Variants in GTF2F2 observed in about 807,000 individuals in gnomAD.
The protein encoded by GTF2F2 is ATP-dependent helicase GTF2F2.
Under a neutral mutation model 42.2 loss-of-function variants are expected in GTF2F2, and 23 were observed. That is an observed-to-expected ratio of 0.55 (90% CI 0.39 to 0.77). The LOEUF is 0.77. Ranked by LOEUF, GTF2F2 falls within the 30% of genes least tolerant of loss-of-function variation. GTF2F2 has a pLI of 0.00. For missense variants in GTF2F2, 261 were observed against 287.2 expected, an observed-to-expected ratio of 0.91 and a Z score of 0.66; for synonymous variants, 105 against 100.8, an observed-to-expected ratio of 1.04 and a Z score of -0.25.
intron 5 of GTF2F2, among the ~76,000 whole-genome samples, chr13:45,230,490 C>T (rs965532379): frequency 6.6e-5 from 10 of 152,108 alleles, no homozygotes; most frequent in African/African-American, 2.4e-4. Context: ...CATGGCTTTT[C>T]GTCTCAAGGT....
At chr13:45,183,216 T>C (rs1872246711) in intron 4 of GTF2F2, among the ~76,000 whole-genome samples, 1 of 152,108 alleles carries the variant, frequency 6.6e-6, no homozygotes, top group African/African-American at 2.4e-5. Flanking sequence ...ATCTATAAAA[T>C]AATAGTGTTA....
intron 4 of GTF2F2, among the ~76,000 whole-genome samples, chr13:45,153,659 G>A (rs1251570213): frequency 6.6e-6 from 1 of 152,064 alleles, no homozygotes; most frequent in Non-Finnish European, 1.5e-5. Context: ...GAAATTAGAA[G>A]CACATTTGAA....
intron 4 of GTF2F2, among the ~76,000 whole-genome samples, chr13:45,199,212 G>A (rs953874347): frequency 6.6e-6 from 1 of 152,186 alleles, no homozygotes; most frequent in African/African-American, 2.4e-5. Context: ...GTGTTGAACT[G>A]CGTCTTCAAG....
intron 7 of GTF2F2, among the ~76,000 whole-genome samples, chr13:45,281,233 C>G (rs1195751104): frequency 1.3e-5 from 2 of 152,090 alleles, no homozygotes; most frequent in Non-Finnish European, 2.9e-5. Context: ...TCATTTGGTT[C>G]ATTGCTGCCA....
intron 6 of GTF2F2, among the ~76,000 whole-genome samples, chr13:45,262,774 C>A (rs889375113): frequency 2.6e-5 from 4 of 152,008 alleles, no homozygotes; most frequent in African/African-American, 9.7e-5. Context: ...CAGAATCTCA[C>A]TCTGTTGCCT....
At chr13:45,152,650 T>A (rs1206667195) in intron 4 of GTF2F2, among the ~76,000 whole-genome samples, 2 of 152,252 alleles carry the variant, frequency 1.3e-5, no homozygotes, top group Non-Finnish European at 2.9e-5. Context: ...AAGAAGTTTC[T>A]GCGTAGAGTT....
At chr13:45,241,353 C>G (rs1042927396) in intron 5 of GTF2F2, among the ~76,000 whole-genome samples, 2 of 152,082 alleles carry the variant, frequency 1.3e-5, no homozygotes, top group Admixed American at 1.3e-4. Flanking sequence ...CCCAGCTTCT[C>G]TCTCTTATGT....
At chr13:45,152,407 G>C (rs916534275) in intron 4 of GTF2F2, among the ~76,000 whole-genome samples, 4 of 152,156 alleles carry the variant, frequency 2.6e-5, no homozygotes, top group African/African-American at 9.7e-5. Flanking sequence ...GGAAGAATGT[G>C]GTTCATCAAG....
intron 4 of GTF2F2, among the ~76,000 whole-genome samples, chr13:45,162,192 T>C (rs1871071872): frequency 6.6e-6 from 1 of 152,214 alleles, no homozygotes. Context: ...GAAATCCTGC[T>C]AGGTCTGCCT....
chr13:45,260,823 A>G (rs1464779832), intron 6 of GTF2F2, among the ~76,000 whole-genome samples: 2 of 152,010 alleles, frequency 1.3e-5, no homozygotes, highest in East Asian at 3.9e-4. Context: ...ACCAGCCTTG[A>G]GTTTGAGACC....
intron 4 of GTF2F2, among the ~76,000 whole-genome samples, chr13:45,172,536 T>C (rs1038682165): frequency 2.0e-5 from 3 of 152,172 alleles, no homozygotes; most frequent in Non-Finnish European, 4.4e-5. Context: ...GTACAGAACT[T>C]TTAATTTTGA....
intron 1 of GTF2F2, among the ~76,000 whole-genome samples, chr13:45,132,237 T>C (rs1869396236): frequency 6.6e-6 from 1 of 152,242 alleles, no homozygotes; most frequent in African/African-American, 2.4e-5. Context: ...TGGCATGGCT[T>C]AGTTGGCTCC....
intron 5 of GTF2F2, among the ~76,000 whole-genome samples, chr13:45,244,109 TAC>T (rs1875464948): frequency 6.6e-6 from 1 of 152,244 alleles, no homozygotes; most frequent in African/African-American, 2.4e-5. Context: ...GACACTGAGT[TAC>T]TAGGAGTCTT....
At chr13:45,132,261 C>T (rs117759584) in intron 1 of GTF2F2, among the ~76,000 whole-genome samples, 2 of 152,272 alleles carry the variant, frequency 1.3e-5, no homozygotes, top group Non-Finnish European at 2.9e-5. Flanking sequence ...GCTTCAAAGT[C>T]TCTCACTGGC....
intron 1 of GTF2F2, among the ~76,000 whole-genome samples, chr13:45,122,419 A>C (rs1868696795): frequency 6.6e-6 from 1 of 152,024 alleles, no homozygotes; most frequent in East Asian, 1.9e-4. Context: ...GTGGATCATG[A>C]GGTCAAGAGT....
chr13:45,136,627 A>T (rs1333909921), intron 1 of GTF2F2, 106 bp from the exon 2 acceptor site: 6 of 635,336 alleles, frequency 9.4e-6, no homozygotes, highest in African/African-American at 7.4e-5. Flanking sequence ...CTTGATAATG[A>T]TCCCTTATTA....
intron 5 of GTF2F2, among the ~76,000 whole-genome samples, chr13:45,229,913 G>A (rs9526051): frequency 0.16 from 23,782 of 152,072 alleles, 2,294 homozygotes; most frequent in Non-Finnish European, 0.22. Context: ...TGTGGTTAGG[G>A]TGCTTAAGTA....
chr13:45,154,485 G>A, intron 4 of GTF2F2, among the ~76,000 whole-genome samples: 1 of 152,038 alleles, frequency 6.6e-6, no homozygotes, highest in Admixed American at 6.6e-5. Context: ...CTTATTCTGG[G>A]GCTTGGACAG....
At position 45,176,619 on chromosome 13, in the gene GTF2F2, C is replaced by T. The variant is rs534586473; in HGVS notation, c.304+24788C>T. On this transcript the variant is annotated intron_variant, in intron 4 of 7. Coordinates refer to ENST00000340473, the MANE Select transcript of GTF2F2 (RefSeq NM_004128.3). Reference sequence around the variant, plus strand: ...GTATTTTTTGATGAACAGAAGTTATCTTTAATAGTCCAGTTTGTCAGTCTT... The same window carrying T: ...GTATTTTTTGATGAACAGAAGTTATTTTTAATAGTCCAGTTTGTCAGTCTT... 1.2e-4 allele frequency among the ~76,000 whole-genome samples: 18 copies of T among 152,138 alleles called. No homozygotes were observed. The South Asian group carries it at 3.5e-3, about 30-fold the overall frequency.
Sources: allele counts gnomAD v4.1 joint callset (sites outside exome capture counted in the v4.1 genomes callset), GRCh38; gene constraint gnomAD v4.1.1; transcripts MANE v1.5; gene names NCBI Gene and HGNC (gene_info 2026-07-23, HGNC 2026-07-21).